The following GNG2 variants were observed in gnomAD, a reference collection of about 807,000 sequenced individuals.
GNG2 encodes the protein guanine nucleotide-binding protein G(I)/G(S)/G(O) subunit gamma-2.
In GNG2, 5 loss-of-function variants were observed where a neutral mutation model predicts 5.5. That is an observed-to-expected ratio of 0.91 (90% CI 0.48 to 1.92). The LOEUF (loss-of-function observed/expected upper bound fraction) is 1.92. Among genes scored for constraint, GNG2 ranks in the 30% most tolerant of loss-of-function variants. The probability of loss-of-function intolerance (pLI) is 0.01; values close to 1 mark genes in which losing one functional copy is unlikely to be tolerated. For synonymous variants in GNG2, 28 were observed against 32.0 expected, an observed-to-expected ratio of 0.88 and a Z score of 0.42; for missense variants, 55 against 88.4, an observed-to-expected ratio of 0.62 and a Z score of 1.52.
chr14:51,915,125 A>C (rs1392334023), intron 2 of GNG2, among the ~76,000 whole-genome samples: 1 of 152,210 alleles, frequency 6.6e-6, no homozygotes, highest in Non-Finnish European at 1.5e-5. Flanking sequence ...CCACGTTTAG[A>C]GCTTAAGTGT....
intron 2 of GNG2, among the ~76,000 whole-genome samples, chr14:51,931,507 A>G (rs1444502597): frequency 6.6e-6 from 1 of 152,186 alleles, no homozygotes; most frequent in African/African-American, 2.4e-5. Context: ...GGGAGATGTA[A>G]GCAAGGAAAG....
intron 3 of GNG2, among the ~76,000 whole-genome samples, chr14:51,966,197 G>A (rs1358003686): frequency 4.9e-5 from 5 of 101,390 alleles, no homozygotes; most frequent in Non-Finnish European, 7.3e-5. Context: ...GCAACAGAGC[G>A]AGACTGCATC....
At chr14:51,912,356 C>T (rs899694108) in intron 2 of GNG2, among the ~76,000 whole-genome samples, 8 of 152,154 alleles carry the variant, frequency 5.3e-5, no homozygotes, top group African/African-American at 1.7e-4. Flanking sequence ...CACACCCCAA[C>T]CCCCAAAATC....
intron 2 of GNG2, among the ~76,000 whole-genome samples, chr14:51,853,694 T>G (rs1005955320): frequency 1.4e-4 from 21 of 152,204 alleles, no homozygotes; most frequent in Admixed American, 1.4e-3. Context: ...AGCTTTTCTT[T>G]CAAGATACTT....
intron 2 of GNG2, among the ~76,000 whole-genome samples, chr14:51,929,874 G>A (rs995784770): frequency 1.3e-5 from 2 of 152,152 alleles, no homozygotes; most frequent in African/African-American, 4.8e-5. Flanking sequence ...ATGTTTATAG[G>A]AGGCTCAGTG....
At chr14:51,856,387 A>G (rs1188977013), upstream of GNG2, among the ~76,000 whole-genome samples, 3 of 152,174 alleles carry the variant, frequency 2.0e-5, no homozygotes, top group Non-Finnish European at 4.4e-5. Context: ...TAAAGTTCCT[A>G]CAGAGATACA....
intron 2 of GNG2, among the ~76,000 whole-genome samples, chr14:51,852,380 T>C (rs1225535649): frequency 6.6e-6 from 1 of 152,254 alleles, no homozygotes; most frequent in African/African-American, 2.4e-5. Context: ...ACCTACTGTG[T>C]CCTATGCACT....
At chr14:51,879,040 G>A (rs1179206663) in intron 2 of GNG2, among the ~76,000 whole-genome samples, 1 of 152,194 alleles carries the variant, frequency 6.6e-6, no homozygotes, top group Admixed American at 6.5e-5. Flanking sequence ...AAAAGGCTGT[G>A]GCATCTTCCA....
chr14:51,942,589 C>CTTTTTTTTTTTTTTTTTTTTTTTTT (rs56883654), intron 2 of GNG2, among the ~76,000 whole-genome samples: 1 of 81,146 alleles, frequency 1.2e-5, no homozygotes, highest in Non-Finnish European at 2.3e-5. Flanking sequence ...TTCTTTCTTT[C>CTTTTTTTTTTTTTTTTTTTTTTTTT]TTTTTTTTTT....
chr14:51,950,817 T>A, intron 3 of GNG2, 52 bp downstream of exon 3: 1 of 1,063,370 alleles, frequency 9.4e-7, no homozygotes, highest in East Asian at 2.7e-5. Flanking sequence ...AAGGCGCATG[T>A]CATGTGACCA....
At position 51,951,901 on chromosome 14, in the gene GNG2, C is replaced by A. The variant is rs373518662; in HGVS notation, c.87+1136C>A. ...GTGTTTCACAGGAAGTTCACTGACC[C>A]CTGGTCTACAGCGATGGTTCTCAGC... On this transcript the variant is annotated intron_variant, in intron 3 of 3. Transcript: ENST00000556766. 1.7e-4 allele frequency: 121 copies of A among 702,116 alleles called. No homozygotes were observed. The African/African-American group carries it at 2.0e-3, about 12-fold the overall frequency. 43.5% of individuals were successfully genotyped at this position (702,116 alleles called of 1,614,324 possible). A position where few individuals can be genotyped will look rare whatever the true frequency, so the allele number is the denominator to read the frequency against.
intron 2 of GNG2, among the ~76,000 whole-genome samples, chr14:51,912,852 TG>T (rs1361748848): frequency 3.2e-5 from 1 of 31,654 alleles, no homozygotes; most frequent in Non-Finnish European, 6.1e-5. Flanking sequence ...GGGGTGGGGG[TG>T]GGGGTGTGTG....
At chr14:51,864,147 TC>T (rs1215327641) in intron 1 of GNG2, among the ~76,000 whole-genome samples, 2 of 152,218 alleles carry the variant, frequency 1.3e-5, no homozygotes, top group African/African-American at 4.8e-5. Flanking sequence ...GATTCCAACT[TC>T]TCCACATTCT....
At chr14:51,831,510 G>A (rs1022300289) in intron 2 of GNG2, among the ~76,000 whole-genome samples, 1 of 152,222 alleles carries the variant, frequency 6.6e-6, no homozygotes, top group Non-Finnish European at 1.5e-5. Context: ...TAGACTGTCG[G>A]TATCAGAAAC....
At chr14:51,899,635 A>T (rs1336135262) in intron 2 of GNG2, among the ~76,000 whole-genome samples, 1 of 152,134 alleles carries the variant, frequency 6.6e-6, no homozygotes, top group African/African-American at 2.4e-5. Context: ...AAAATTTAAA[A>T]CCTGACACTC....
intron 2 of GNG2, among the ~76,000 whole-genome samples, chr14:51,941,642 C>A (rs953201370): frequency 6.6e-6 from 1 of 152,176 alleles, no homozygotes; most frequent in African/African-American, 2.4e-5. Context: ...ATTAACAAAC[C>A]ATTTATTTAT....
chr14:51,876,961 T>C (rs1883716286), intron 1 of GNG2, among the ~76,000 whole-genome samples: 2 of 152,180 alleles, frequency 1.3e-5, no homozygotes, highest in East Asian at 3.8e-4. Flanking sequence ...AAGAAGCTCA[T>C]CTACACAGGA....
chr14:51,829,842 C>CTT (rs1178449589), intron 2 of GNG2, among the ~76,000 whole-genome samples: 14 of 113,306 alleles, frequency 1.2e-4, no homozygotes, highest in South Asian at 5.6e-4. Context: ...CTCCCTACTT[C>CTT]TTCTTTTTTT....
chr14:51,834,719 G>A (rs1881286719), intron 2 of GNG2, among the ~76,000 whole-genome samples: 2 of 152,216 alleles, frequency 1.3e-5, no homozygotes, highest in African/African-American at 4.8e-5. Flanking sequence ...TCACCTAAGT[G>A]AATTTGGGAA....
Sources: allele counts gnomAD v4.1 joint callset (sites outside exome capture counted in the v4.1 genomes callset), GRCh38; gene constraint gnomAD v4.1.1; transcripts MANE v1.5; gene names NCBI Gene and HGNC (gene_info 2026-07-23, HGNC 2026-07-21).